Variants in HECW2 observed in about 807,000 individuals in gnomAD.
HECW2 encodes the protein E3 ubiquitin-protein ligase HECW2.
HECW2 carries 61 observed loss-of-function variants against 175.2 expected under a neutral mutation model. The observed-to-expected ratio is 0.35, with a 90% CI of 0.28 to 0.43. HECW2 has a LOEUF of 0.43. HECW2 is among the 20% of genes least tolerant of loss of function. The pLI, the probability that HECW2 is intolerant of heterozygous loss-of-function variation, is 1.00. For missense variants in HECW2, 1,524 were observed against 2,000.5 expected (o/e 0.76, Z 4.54); for synonymous variants, 671 against 731.0 (o/e 0.92, Z 1.32).
intron 1 of HECW2, among the ~76,000 whole-genome samples, chr2:196,488,946 T>C (rs1213430253): frequency 6.6e-6 from 1 of 152,104 alleles, no homozygotes; most frequent in Non-Finnish European, 1.5e-5. Flanking sequence ...AATGCATACA[T>C]AGAAGTAAGT....
intron 19 of HECW2, among the ~76,000 whole-genome samples, chr2:196,243,253 C>A (rs988694743): frequency 1.1e-4 from 17 of 151,436 alleles, no homozygotes; most frequent in African/African-American, 3.9e-4. Context: ...CCGCAACCTC[C>A]ATCTCCCGGG....
In HECW2 at chr2:196,200,812, T is replaced by C. The variant is rs1256451908; in HGVS notation, c.*465A>G. 2 of 155,492 alleles carry C rather than the reference T, an allele frequency of 1.3e-5. No homozygotes were observed. The highest frequency in any genetic ancestry group is 2.9e-5 in the Non-Finnish European group (2 of 69,498). 9.6% of individuals were successfully genotyped at this position (155,492 alleles called of 1,614,324 possible). A position where few individuals can be genotyped will look rare whatever the true frequency, so the allele number is the denominator to read the frequency against. On this transcript the variant is annotated 3_prime_UTR_variant, in exon 29 of 29. Transcript: ENST00000644978. Reference sequence around the variant, plus strand: ...TAAGCAAGAAATGAATATTCTGTTATAACTTAGGGCTTAAATGAATGTACT... The same window carrying C: ...TAAGCAAGAAATGAATATTCTGTTACAACTTAGGGCTTAAATGAATGTACT...
chr2:196,232,162 A>G (rs1688083682), intron 21 of HECW2, among the ~76,000 whole-genome samples: 1 of 152,230 alleles, frequency 6.6e-6, no homozygotes, highest in Non-Finnish European at 1.5e-5. Flanking sequence ...CAGCTGAAAC[A>G]TGAGGCAAAT....
At chr2:196,361,062 A>G (rs1003080189) in intron 2 of HECW2, among the ~76,000 whole-genome samples, 1 of 152,244 alleles carries the variant, frequency 6.6e-6, no homozygotes, top group Admixed American at 6.5e-5. Context: ...CTGGCATTTA[A>G]TAGCCAAAAA....
chr2:196,399,701 A>G (rs1273982335), intron 2 of HECW2, among the ~76,000 whole-genome samples: 3 of 152,240 alleles, frequency 2.0e-5, no homozygotes, highest in African/African-American at 7.2e-5. Context: ...TTGAACACCA[A>G]TGCTATTGTT....
intron 1 of HECW2, among the ~76,000 whole-genome samples, chr2:196,520,969 A>G (rs78555695): frequency 0.016 from 2,381 of 152,304 alleles, 68 homozygotes; most frequent in African/African-American, 0.055. Flanking sequence ...AAGAAAGTAG[A>G]TGCTTAAAGC....
intron 2 of HECW2, among the ~76,000 whole-genome samples, chr2:196,409,018 G>A (rs1486725785): frequency 1.3e-5 from 2 of 152,288 alleles, no homozygotes; most frequent in African/African-American, 4.8e-5. Context: ...CAGGAAACTT[G>A]CAAGCTGGTT....
At position 196,217,102 on chromosome 2, in the gene HECW2, C is replaced by A. The variant is rs1170719943; in HGVS notation, c.4409-9G>T. ...ATGATTGTCATGGTATCCTATCAAA[C>A]CAATCATAAAAGCCCATGTTACTTT... is the stretch of plus-strand genomic sequence containing the variant. On this transcript the variant is annotated splice_polypyrimidine_tract_variant and intron_variant, in intron 26 of 28. Coordinates refer to ENST00000644978, the MANE Select transcript of HECW2 (RefSeq NM_001348768.2). 1.3e-6 allele frequency: 2 copies of A among 1,595,418 alleles called. No homozygotes were observed. The highest frequency in any genetic ancestry group is 2.2e-5 in the South Asian group (2 of 88,990).
chr2:196,521,523 G>A (rs1688386130), intron 1 of HECW2, among the ~76,000 whole-genome samples: 1 of 150,498 alleles, frequency 6.6e-6, no homozygotes, highest in Non-Finnish European at 1.5e-5. Flanking sequence ...GGGTACATGT[G>A]CACATTGTGC....
At chr2:196,458,445 C>CAA (rs1208146292) in intron 1 of HECW2, among the ~76,000 whole-genome samples, 2 of 151,620 alleles carry the variant, frequency 1.3e-5, no homozygotes, top group African/African-American at 4.8e-5. Flanking sequence ...CTCACACACA[C>CAA]ACACACACAC....
At chr2:196,415,342 A>C (rs1247257796) in intron 2 of HECW2, among the ~76,000 whole-genome samples, 1 of 152,216 alleles carries the variant, frequency 6.6e-6, no homozygotes, top group Non-Finnish European at 1.5e-5. Context: ...TTCTACCAAC[A>C]AAAACAGGGG....
At chr2:196,344,661 G>T (rs996291840) in intron 2 of HECW2, among the ~76,000 whole-genome samples, 2 of 152,174 alleles carry the variant, frequency 1.3e-5, no homozygotes, top group African/African-American at 4.8e-5. Context: ...AACACGAAAA[G>T]GAGACAATTT....
chr2:196,545,471 C>T (rs1689379303), intron 1 of HECW2, among the ~76,000 whole-genome samples: 1 of 152,142 alleles, frequency 6.6e-6, no homozygotes, highest in South Asian at 2.1e-4. Context: ...ACAAAAAGTC[C>T]TGATTAATAG....
At chr2:196,369,714 G>A (rs1054731280) in intron 2 of HECW2, among the ~76,000 whole-genome samples, 2 of 152,076 alleles carry the variant, frequency 1.3e-5, no homozygotes, top group African/African-American at 4.8e-5. Context: ...TTCCACTGCA[G>A]CTGAGCTGGC....
chr2:196,277,003 AGGCAT>A (rs1181024057), intron 15 of HECW2, among the ~76,000 whole-genome samples: 1 of 152,226 alleles, frequency 6.6e-6, no homozygotes, highest in African/African-American at 2.4e-5. Context: ...GACACAGAAA[AGGCAT>A]GTAAAGGTGG....
intron 28 of HECW2, among the ~76,000 whole-genome samples, chr2:196,213,197 T>A (rs1191234848): frequency 1.3e-5 from 2 of 152,258 alleles, no homozygotes; most frequent in Non-Finnish European, 2.9e-5. Flanking sequence ...TAAGTTCTTT[T>A]AATTTTTTCC....
At chr2:196,435,723 A>C (rs1695848814) in intron 1 of HECW2, among the ~76,000 whole-genome samples, 1 of 152,086 alleles carries the variant, frequency 6.6e-6, no homozygotes, top group Non-Finnish European at 1.5e-5. Flanking sequence ...ACTTTCTATC[A>C]CTCTATGATC....
intron 1 of HECW2, among the ~76,000 whole-genome samples, chr2:196,485,552 C>T (rs1453016002): frequency 1.3e-5 from 2 of 152,116 alleles, no homozygotes; most frequent in African/African-American, 2.4e-5. Flanking sequence ...ACAGCAGAGA[C>T]GGCTCTGCAC....
At chr2:196,228,360 A>G in intron 21 of HECW2, 106 bp from the exon 22 acceptor site, 1 of 997,396 alleles carries the variant, frequency 1.0e-6, no homozygotes, top group South Asian at 1.7e-5. Context: ...TACAAATCTA[A>G]TTGTCCACAT....
Sources: gnomAD v4.1 joint callset for allele counts (sites outside exome capture counted in the v4.1 genomes callset) on GRCh38, gnomAD v4.1.1 for gene constraint, MANE v1.5 for transcripts, NCBI Gene and HGNC (gene_info 2026-07-23, HGNC 2026-07-21) for gene names.